Variants in AWAT1 observed in about 807,000 individuals in gnomAD.
The protein encoded by AWAT1 is acyl-CoA wax alcohol acyltransferase 1.
AWAT1 carries 26 observed loss-of-function variants against 21.6 expected under a neutral mutation model. The ratio of observed to expected loss-of-function variants is 1.20; its 90% CI spans 0.88 to 1.67. AWAT1 has a LOEUF of 1.67. Ranked by LOEUF, AWAT1 falls within the 40% of genes most tolerant of loss-of-function variation. The pLI is 0.00. For synonymous variants in AWAT1, 102 were observed against 99.3 expected, an observed-to-expected ratio of 1.03 and a Z score of -0.16; for missense variants, 264 against 249.4, an observed-to-expected ratio of 1.06 and a Z score of -0.39.
chrX:70,236,144 G>C lies in AWAT1; in HGVS notation c.255+5G>C. 8.3e-7 allele frequency: 1 copy of C among 1,200,217 alleles called. No homozygotes were observed. The highest frequency in any genetic ancestry group is 1.8e-5 in the South Asian group (1 of 56,705). ...AGGGACTATTTCCCCATTACGGTAA[G>C]TATCTCTTCCCCAGTGTCCTCAGAG... On this transcript the variant is annotated splice_donor_5th_base_variant and intron_variant, in intron 3 of 6. Transcript: ENST00000374521.
chrX:70,240,448 A>G lies in AWAT1; in HGVS notation c.*158A>G. 1.7e-6 allele frequency: 1 copy of G among 572,841 alleles called. No individual in the cohort carries two copies. 47.2% of individuals were successfully genotyped at this position (572,841 alleles called of 1,213,427 possible). On this transcript the variant is annotated 3_prime_UTR_variant, in exon 7 of 7. Coordinates refer to ENST00000374521, the MANE Select transcript of AWAT1 (RefSeq NM_001013579.3). ...TGCCTTCTTGCCACAGGGTCCTTAC[A>G]GGAATTCTTTCTGAAGAGCTGCACA...
rs147543096 is a variant in AWAT1, at chrX:70,238,580, A to C, written c.632+197A>C. 1.5e-3 allele frequency among the ~76,000 whole-genome samples: 165 copies of C among 112,547 alleles called. 7 individuals carry two copies. The East Asian group carries it at 0.038, about 26-fold the overall frequency. On this transcript the variant is annotated intron_variant, in intron 5 of 6. Coordinates refer to ENST00000374521, the MANE Select transcript of AWAT1 (RefSeq NM_001013579.3). The stretch of plus-strand genomic sequence containing the variant: ...AAACCATAAACCCAGGTTCAATATC[A>C]AGGGGATTGGGCTAAGGCTGCCCTG...
intron 5 of AWAT1, among the ~76,000 whole-genome samples, chrX:70,239,217 G>A: frequency 8.9e-6 from 1 of 112,400 alleles, no homozygotes; most frequent in Non-Finnish European, 1.9e-5. Flanking sequence ...GCCCTCCACG[G>A]CCTTTGCTGT....
chrX:70,240,176 C>T lies in AWAT1; in HGVS notation c.873C>T (p.Ser291=), dbSNP rs61750915. The change falls in exon 7 of 7, where the codon AGC becomes AGT. Residue 291 remains serine, a synonymous_variant. Transcript: ENST00000374521. The part of the protein sequence containing the change: ...PLPLPQIEKP[S]QEMVDKYHAL... ...CACTGCCCCAAATTGAAAAGCCAAGCCAGGAGATGGTGGACAAATACCATG... is the reference window on the plus strand; with the variant it reads ...CACTGCCCCAAATTGAAAAGCCAAGTCAGGAGATGGTGGACAAATACCATG... 2.8e-3 allele frequency: 3,422 copies of T among 1,209,542 alleles called. 20 individuals are homozygous for T. The highest frequency in any genetic ancestry group is 0.024 in the Middle Eastern group (106 of 4,352).
chrX:70,239,941 G>T lies in AWAT1; in HGVS notation c.832+7G>T. On this transcript the variant is annotated splice_region_variant and intron_variant, in intron 6 of 6. Transcript: ENST00000374521. ...AGGCCTATTGTCACTGTGGGTGAGT[G>T]CCACTCTCAGCCCCAGTGCCACCTC... 8.3e-7 allele frequency: 1 copy of T among 1,202,805 alleles called. No homozygotes were observed.
chrX:70,237,178 C>T lies in AWAT1; in HGVS notation c.390C>T (p.Ile130=). The part of the protein sequence containing the change: ...ATGFSKTFPG[I]TPHLATLSWF... The stretch of plus-strand genomic sequence containing the variant: ...GCTTCTCGAAGACCTTCCCAGGCAT[C>T]ACTCCTCACTTGGCCACGCTGTCCT... The change falls in exon 4 of 7, where the codon ATC becomes ATT. Residue 130 remains isoleucine (I), a synonymous_variant. Coordinates refer to ENST00000374521, the MANE Select transcript of AWAT1 (RefSeq NM_001013579.3). The T allele has an allele frequency of 8.3e-7, 1 of 1,208,922 alleles. No homozygotes were observed. The highest frequency in any genetic ancestry group is 1.1e-6 in the Non-Finnish European group (1 of 894,287).
intron 2 of AWAT1, 29 bp from the exon 3 acceptor site, chrX:70,236,040 A>T: frequency 8.6e-7 from 1 of 1,165,607 alleles, no homozygotes; most frequent in Non-Finnish European, 1.2e-6. Flanking sequence ...ACACACTGAC[A>T]TCATCCCCTA....
At chrX:70,238,888 T>C (rs1470503927) in intron 5 of AWAT1, among the ~76,000 whole-genome samples, 1 of 112,689 alleles carries the variant, frequency 8.9e-6, no homozygotes, top group African/African-American at 3.2e-5. Flanking sequence ...ACACTTACCA[T>C]GTCCCTGGCA....
At position 70,240,541 on chromosome X, in the gene AWAT1, G is replaced by A; in HGVS notation, c.*251G>A. 1 of 365,145 alleles carries A rather than the reference G, an allele frequency of 2.7e-6. No homozygotes were observed. The highest frequency in any genetic ancestry group is 4.8e-6 in the Non-Finnish European group (1 of 209,817). 30.1% of individuals were successfully genotyped at this position (365,145 alleles called of 1,213,427 possible). ...GGGGCCTGATGCCTGGTCATCATTT[G>A]AGTCCTCTGGGACACATTAGCAGTC... On this transcript the variant is annotated 3_prime_UTR_variant, in exon 7 of 7. Transcript: ENST00000374521.
At chrX:70,239,117 G>A (rs2085527342) in intron 5 of AWAT1, among the ~76,000 whole-genome samples, 1 of 111,883 alleles carries the variant, frequency 8.9e-6, no homozygotes, top group African/African-American at 3.2e-5. Context: ...TCTGAGCTGG[G>A]AGTCCTGGGT....
chrX:70,239,815 A>G lies in AWAT1; in HGVS notation c.713A>G (p.Tyr238Cys). 8.3e-7 allele frequency: 1 copy of G among 1,210,049 alleles called. No homozygotes were observed. The highest frequency in any genetic ancestry group is 1.1e-6 in the Non-Finnish European group (1 of 894,001). ...QVLFHKDSRM[Y>C]KFQSCFRRIF... ...CTGTTCCATAAGGATAGCAGGATGTACAAGTTCCAGAGCTGCTTCCGCCGT... is the reference window on the plus strand; with the variant it reads ...CTGTTCCATAAGGATAGCAGGATGTGCAAGTTCCAGAGCTGCTTCCGCCGT... The change falls in exon 6 of 7, where the codon TAC (tyrosine) becomes TGC (cysteine). Residue 238 changes from tyrosine to cysteine, a missense_variant. Physicochemically the swap from Tyr to Cys is radical, Grantham distance 194. Coordinates refer to ENST00000374521, the MANE Select transcript of AWAT1 (RefSeq NM_001013579.3).
chrX:70,239,687 G>C, intron 5 of AWAT1, 48 bp from the exon 6 acceptor site: 1 of 1,083,678 alleles, frequency 9.2e-7, no homozygotes, highest in South Asian at 1.8e-5. Context: ...TCCAGGGTGG[G>C]TCTCATCCTA....
intron 5 of AWAT1, 69 bp from the exon 6 acceptor site, chrX:70,239,666 A>G: frequency 1.0e-6 from 1 of 1,002,380 alleles, no homozygotes; most frequent in Non-Finnish European, 1.4e-6. Context: ...TGGCAAGCAA[A>G]CAAATGTTCT....
intron 6 of AWAT1, 51 bp downstream of exon 6, chrX:70,239,985 C>T (rs924324694): frequency 4.3e-6 from 5 of 1,167,879 alleles, no homozygotes; most frequent in Non-Finnish European, 5.8e-6. Context: ...CAACCTCAAC[C>T]TCAGCCTGGC....
At position 70,235,825 on chromosome X, in the gene AWAT1, T is replaced by G; in HGVS notation, c.184+2T>G. 1 of 1,185,122 alleles carries G rather than the reference T, an allele frequency of 8.4e-7. No homozygotes were observed. Among genetic ancestry groups the G allele is most frequent in the Non-Finnish European group, 1.1e-6 (1 of 871,604 alleles). The stretch of plus-strand genomic sequence containing the variant: ...TGGACTGGAAGACCCCAGAGCGAGG[T>G]AAGACTCACAGACCTAGAAAGAAGA... On this transcript the variant is annotated splice_donor_variant, in intron 2 of 6. Transcript: ENST00000374521. LOFTEE classifies it high-confidence loss of function.
intron 4 of AWAT1, 143 bp downstream of exon 4, chrX:70,237,391 C>T: frequency 1.8e-6 from 1 of 562,335 alleles, no homozygotes; most frequent in Admixed American, 3.3e-5. Context: ...TAGAGCTAAG[C>T]TGCCTGGCAT....
In AWAT1 at chrX:70,238,349, C is replaced by G; in HGVS notation, c.598C>G (p.Arg200Gly). 1 of 1,205,753 alleles carries G rather than the reference C, an allele frequency of 8.3e-7. No individual in the cohort carries two copies. The highest frequency in any genetic ancestry group is 1.1e-6 in the Non-Finnish European group (1 of 891,238). Residue 200 changes from arginine to glycine, a missense_variant, in exon 5 of 7, where the codon CGC (arginine) becomes GGC (glycine). By Grantham distance (125) the Arg-to-Gly change is moderately radical. Transcript: ENST00000374521. ...PNTTTLILQKRKGFVRTALQH... is the reference protein window; with the variant it reads ...PNTTTLILQKGKGFVRTALQH... ...CACCACCACCCTCATCCTCCAGAAG[C>G]GCAAGGGGTTCGTGCGCACAGCCCT...
chrX:70,240,254 T>C lies in AWAT1; in HGVS notation c.951T>C (p.Tyr317=). ...TGTTCGACCAGCATAAGACCCACTA[T>C]GGCTGCTCAGAGACCCAAAAGCTGT... ...HKLFDQHKTH[Y]GCSETQKLFF... is the part of the protein sequence containing the mutation. Residue 317 remains tyrosine, a synonymous_variant, in exon 7 of 7, where the codon TAT becomes TAC. Transcript: ENST00000374521. The C allele has an allele frequency of 3.3e-6, 4 of 1,211,549 alleles. No individual in the cohort carries two copies. Among genetic ancestry groups the C allele is most frequent in the Non-Finnish European group, 4.5e-6 (4 of 895,297 alleles).
At position 70,237,109 on chromosome X, in the gene AWAT1, C is replaced by G. The variant is rs1423953513; in HGVS notation, c.321C>G (p.Leu107=). ...NYLMGVHPHG[L]LTFGAFCNFC... ...TCATGGGGGTTCACCCCCATGGCCT[C>G]CTGACCTTTGGCGCCTTCTGCAACT... The change falls in exon 4 of 7, where the codon CTC becomes CTG. Residue 107 remains leucine, a synonymous_variant. Coordinates refer to ENST00000374521, the MANE Select transcript of AWAT1 (RefSeq NM_001013579.3). 8.3e-7 allele frequency: 1 copy of G among 1,207,984 alleles called. No individual in the cohort carries two copies. The highest frequency in any genetic ancestry group is 3.0e-5 in the East Asian group (1 of 33,692).
Sources: gnomAD v4.1 joint callset for allele counts (sites outside exome capture counted in the v4.1 genomes callset) on GRCh38, gnomAD v4.1.1 for gene constraint, MANE v1.5 for transcripts, NCBI Gene and HGNC (gene_info 2026-07-23, HGNC 2026-07-21) for gene names.